The following BBS4 variants were observed in gnomAD, a reference collection of about 807,000 sequenced individuals.
BBS4 encodes the protein Bardet-Biedl syndrome 4.
A neutral mutation model predicts 71.4 loss-of-function variants in BBS4; 58 were observed. That is an observed-to-expected ratio of 0.81 (90% CI 0.66 to 1.01). BBS4 has a LOEUF of 1.01. BBS4 is among the 50% of genes least tolerant of loss of function. BBS4 has a pLI of 0.00. For synonymous variants in BBS4, 228 were observed against 216.8 expected, an observed-to-expected ratio of 1.05 and a Z score of -0.46; for missense variants, 660 against 607.9, an observed-to-expected ratio of 1.09 and a Z score of -0.90.
Position 72,709,713 on chromosome 15 carries a change from T to G in BBS4, c.90T>G (p.Pro30=). The G allele has an allele frequency of 6.2e-7, 1 of 1,613,126 alleles. No individual in the cohort carries two copies. The highest frequency in any genetic ancestry group is 1.1e-5 in the South Asian group (1 of 91,060). Residue 30 remains proline, a synonymous_variant, in exon 3 of 16, where the codon CCT becomes CCG. Transcript: ENST00000268057. Reference sequence around the variant, plus strand: ...TATGCTGCCTAGCTCCAGAGTTTCCTATTTTGGAGAAGCAGAACTGGTTGA... The same window carrying G: ...TATGCTGCCTAGCTCCAGAGTTTCCGATTTTGGAGAAGCAGAACTGGTTGA... ...KPRQKKAPEF[P]ILEKQNWLIH...
At chr15:72,736,308 C>G (rs562179261) in intron 14 of BBS4, among the ~76,000 whole-genome samples, 15 of 141,698 alleles carry the variant, frequency 1.1e-4, no homozygotes, top group African/African-American at 3.7e-4. Flanking sequence ...ATGGCGCAAT[C>G]TCAGTTCACT....
intron 10 of BBS4, 85 bp from the exon 11 acceptor site, chr15:72,731,219 CT>C: frequency 2.6e-6 from 4 of 1,558,740 alleles, no homozygotes; most frequent in Middle Eastern, 2.1e-4. Flanking sequence ...GCTGATGGGC[CT>C]GCTGAGTATA....
chr15:72,722,669 T>C (rs2065598691), intron 6 of BBS4, 125 bp from the exon 7 acceptor site: 7 of 791,652 alleles, frequency 8.8e-6, no homozygotes, highest in Non-Finnish European at 1.5e-5. Flanking sequence ...AAAAGCTGAC[T>C]GTAATGCATA....
At chr15:72,710,957 ATT>A (rs1019864390) in intron 3 of BBS4, among the ~76,000 whole-genome samples, 19 of 137,844 alleles carry the variant, frequency 1.4e-4, no homozygotes, top group South Asian at 2.3e-4. Flanking sequence ...TGCCCAGCTA[ATT>A]TTTTTTTTTT....
chr15:72,732,936 G>A (rs916138796), intron 12 of BBS4, among the ~76,000 whole-genome samples: 11 of 152,190 alleles, frequency 7.2e-5, no homozygotes, highest in African/African-American at 2.7e-4. Flanking sequence ...CTGGGCTATA[G>A]GGCTGTCTCT....
intron 1 of BBS4, among the ~76,000 whole-genome samples, chr15:72,694,799 C>A (rs1259438710): frequency 6.6e-6 from 1 of 152,076 alleles, no homozygotes; most frequent in Non-Finnish European, 1.5e-5. Flanking sequence ...ATCTCATAAG[C>A]TTCCTTTTAT....
intron 10 of BBS4, among the ~76,000 whole-genome samples, chr15:72,730,236 G>A (rs2065786034): frequency 6.6e-6 from 1 of 150,538 alleles, no homozygotes; most frequent in South Asian, 2.1e-4. Flanking sequence ...GAGATCACGC[G>A]CCACTGCACT....
At chr15:72,720,098 T>G (rs2065541491) in intron 6 of BBS4, among the ~76,000 whole-genome samples, 1 of 151,958 alleles carries the variant, frequency 6.6e-6, no homozygotes, top group African/African-American at 2.4e-5. Context: ...ATGGCATTTT[T>G]ATTTTCTTTT....
At chr15:72,698,477 G>C (rs2065116020) in intron 2 of BBS4, among the ~76,000 whole-genome samples, 1 of 152,084 alleles carries the variant, frequency 6.6e-6, no homozygotes, top group Non-Finnish European at 1.5e-5. Flanking sequence ...CATGTAAGGT[G>C]AATCATACAA....
rs58644289 is a variant in BBS4 at position 72,688,411 on chromosome 15, CTTT to C, written c.24+2178_24+2180del. ...GTCCTTTTAGGAAGTGGTATTTTAT[CTTT>C]TTTTTTTTTTTTTTTTTGAGACGGA... On this transcript the variant is annotated intron_variant, in intron 1 of 15. Transcript: ENST00000268057. Among the ~76,000 whole-genome samples, 47 of 83,056 alleles carry C rather than the reference CTTT, an allele frequency of 5.7e-4. 3 individuals are homozygous for C. The highest frequency in any genetic ancestry group is 4.4e-3 in the Admixed American group (21 of 4,738). The allele number at this position is 83,056 out of a possible 152,430, so 54.5% of individuals were successfully genotyped here. A position where few individuals can be genotyped will look rare whatever the true frequency, so the allele number is the denominator to read the frequency against.
chr15:72,723,349 T>G (rs2065610490), intron 7 of BBS4, among the ~76,000 whole-genome samples: 1 of 152,204 alleles, frequency 6.6e-6, no homozygotes, highest in Admixed American at 6.5e-5. Context: ...GTGATTAAGC[T>G]ATAGACTCCT....
At chr15:72,713,555 C>T (rs760590891) in intron 4 of BBS4, among the ~76,000 whole-genome samples, 9 of 152,116 alleles carry the variant, frequency 5.9e-5, no homozygotes, top group African/African-American at 1.2e-4. Flanking sequence ...GGAAGGAGTA[C>T]ACTCTAAAAT....
At chr15:72,686,797 T>G in intron 1 of BBS4, 1 of 354,058 alleles carries the variant, frequency 2.8e-6, no homozygotes, top group Non-Finnish European at 5.5e-6. Context: ...GATGACCTAG[T>G]CGCTATTTTT....
intron 3 of BBS4, among the ~76,000 whole-genome samples, chr15:72,710,581 C>G (rs1270901965): frequency 6.6e-6 from 1 of 152,094 alleles, no homozygotes. Context: ...ATTTCCCTTT[C>G]TCTGTATCTT....
In BBS4 at chr15:72,716,763, A is replaced by C. The variant is rs1265414707; in HGVS notation, c.333-15A>C. The stretch of plus-strand genomic sequence containing the variant: ...AATTTTGAGGTAATAATTATGGAAA[A>C]TATATCTTTTACAGATTTCTTTTGG... On this transcript the variant is annotated splice_polypyrimidine_tract_variant and intron_variant, in intron 5 of 15. Coordinates refer to ENST00000268057, the MANE Select transcript of BBS4 (RefSeq NM_033028.5). 9 of 1,580,504 alleles carry C rather than the reference A, an allele frequency of 5.7e-6. No individual in the cohort carries two copies. Among genetic ancestry groups the C allele is most frequent in the Non-Finnish European group, 7.8e-6 (9 of 1,153,482 alleles).
Position 72,731,621 on chromosome 15 carries a change from G to A in BBS4, c.931G>A (p.Gly311Ser). 1.2e-6 allele frequency: 2 copies of A among 1,614,082 alleles called. No individual in the cohort carries two copies. Among genetic ancestry groups the A allele is most frequent in the Non-Finnish European group, 1.7e-6 (2 of 1,180,030 alleles). The change falls in exon 12 of 16, where the codon GGC (glycine) becomes AGC (serine). Residue 311 changes from glycine (G) to serine (S), a missense_variant. Physicochemically the swap from Gly to Ser is moderately conservative, Grantham distance 56. Transcript: ENST00000268057. ...PFDWKILYNL[G>S]LVHLTMQQYA... ...TGATTGGAAGATTCTGTATAATTTG[G>A]GCCTTGTCCATTTGACCATGCAGCA...
At position 72,695,205 on chromosome 15, in the gene BBS4, C is replaced by T. The variant is rs2150997273; in HGVS notation, c.53C>T (p.Ser18Phe). The change falls in exon 2 of 16, where the codon TCT (serine) becomes TTT (phenylalanine). Residue 18 changes from serine (S) to phenylalanine (F), a missense_variant. Transcript: ENST00000268057. ...TRTQFPVSTE[S>F]QKPRQKKAPE... is the part of the protein sequence containing the mutation. ...ACTCAATTTCCTGTATCTACTGAGTCTCAAAAACCCCGGCAGAAAAAAGGT... is the reference window on the plus strand; with the variant it reads ...ACTCAATTTCCTGTATCTACTGAGTTTCAAAAACCCCGGCAGAAAAAAGGT... The T allele has an allele frequency of 3.1e-6, 5 of 1,606,242 alleles. No homozygotes were observed. The East Asian group carries it at 8.9e-5, about 29-fold the overall frequency.
At chr15:72,735,648 C>A in intron 13 of BBS4, 177 bp from the exon 14 acceptor site, 1 of 801,840 alleles carries the variant, frequency 1.2e-6, no homozygotes, top group Non-Finnish European at 2.1e-6. Flanking sequence ...GCTTGTTAGG[C>A]CATTAACTCC....
Position 72,703,369 on chromosome 15 carries a change from A to C in BBS4, c.77-6331A>C, listed in dbSNP as rs528661691. The stretch of plus-strand genomic sequence containing the variant: ...TCTGCATTAAAGTCCTTGTGTTTCA[A>C]ATCCTCAAGTGGCTTTTTGTTAGGC... On this transcript the variant is annotated intron_variant, in intron 2 of 15. Transcript: ENST00000268057. Among the ~76,000 whole-genome samples the C allele has an allele frequency of 2.0e-5, 3 of 152,272 alleles. No individual in the cohort carries two copies. In the East Asian group the frequency reaches 5.8e-4, roughly 29 times the overall value.
Sources: allele counts gnomAD v4.1 joint callset (sites outside exome capture counted in the v4.1 genomes callset), GRCh38; gene constraint gnomAD v4.1.1; transcripts MANE v1.5; gene names NCBI Gene and HGNC (gene_info 2026-07-23, HGNC 2026-07-21).